LRRC4C: variants seen among roughly 807,000 people sequenced by gnomAD.
LRRC4C encodes the protein leucine-rich repeat-containing protein 4C.
In LRRC4C, 5 loss-of-function variants were observed where a neutral mutation model predicts 33.6. The ratio of observed to expected loss-of-function variants is 0.15; its 90% confidence interval spans 0.08 to 0.31. LRRC4C has a LOEUF of 0.31. Among genes scored for constraint, LRRC4C ranks in the 10% least tolerant of loss-of-function variants. The pLI is 1.00. For synonymous variants in LRRC4C, 329 were observed against 302.0 expected, an observed-to-expected ratio of 1.09 and a Z score of -0.93; for missense variants, 560 against 796.7, an observed-to-expected ratio of 0.70 and a Z score of 3.58.
chr11:40,794,928 T>C (rs1012935408), intron 2 of LRRC4C, among the ~76,000 whole-genome samples: 1 of 152,218 alleles, frequency 6.6e-6, no homozygotes, highest in Non-Finnish European at 1.5e-5. Flanking sequence ...TGAGTGCTTC[T>C]AATTAATTTT....
chr11:40,857,396 T>C (rs997625608), intron 2 of LRRC4C, among the ~76,000 whole-genome samples: 1 of 152,094 alleles, frequency 6.6e-6, no homozygotes, highest in African/African-American at 2.4e-5. Flanking sequence ...CCCCTCCCTG[T>C]ATCCATGTGT....
chr11:41,377,046 C>T (rs925519078), intron 1 of LRRC4C, among the ~76,000 whole-genome samples: 1 of 152,130 alleles, frequency 6.6e-6, no homozygotes, highest in Admixed American at 6.6e-5. Flanking sequence ...TTTTTGGAGC[C>T]ATATGTCCAA....
chr11:41,409,877 AG>A (rs1452571894), intron 1 of LRRC4C, among the ~76,000 whole-genome samples: 1 of 152,212 alleles, frequency 6.6e-6, no homozygotes, highest in Non-Finnish European at 1.5e-5. Context: ...TGCCACACCA[AG>A]TCATATGGCT....
In LRRC4C at chr11:40,675,181, C is replaced by T. The variant is rs542430771; in HGVS notation, c.-406-26903G>A. Among the ~76,000 whole-genome samples, 5 of 152,036 alleles carry T rather than the reference C, an allele frequency of 3.3e-5. No homozygotes were observed. In the South Asian group the frequency reaches 1.0e-3, roughly 32 times the overall value. ...GGACCCATTTAGACTTAGGAATTTACCAGGAGTTGTAGCATGTTCTAGGTG... is the reference window on the plus strand; with the variant it reads ...GGACCCATTTAGACTTAGGAATTTATCAGGAGTTGTAGCATGTTCTAGGTG... On this transcript the variant is annotated intron_variant, in intron 2 of 6. Coordinates refer to ENST00000528697, the MANE Select transcript of LRRC4C (RefSeq NM_001258419.2).
intron 2 of LRRC4C, among the ~76,000 whole-genome samples, chr11:40,823,173 T>C (rs1409911955): frequency 1.3e-5 from 2 of 151,788 alleles, no homozygotes; most frequent in African/African-American, 2.4e-5. Flanking sequence ...TATGTAAAAA[T>C]TAAAATGACA....
rs1554934483 is a variant in LRRC4C, at chr11:41,448,122, G to GGTTTTTTTTTTTTTTT, written c.-496+11308_-496+11309insAAAAAAAAAAAAAAAC. Among the ~76,000 whole-genome samples the GGTTTTTTTTTTTTTTT allele has an allele frequency of 9.2e-4, 43 of 46,900 alleles. 2 individuals carry two copies. The highest frequency in any genetic ancestry group is 1.4e-3 in the Non-Finnish European group (33 of 22,912). 30.8% of individuals were successfully genotyped at this position (46,900 alleles called of 152,430 possible). A position where few individuals can be genotyped will look rare whatever the true frequency, so the allele number is the denominator to read the frequency against. On this transcript the variant is annotated intron_variant, in intron 1 of 6. Coordinates refer to ENST00000528697, the MANE Select transcript of LRRC4C (RefSeq NM_001258419.2). ...ACAAACGAGGCTGCTGCACACGTCTGTTTTTTTTTTTTTTTTTTTTGGAGC... is the reference window on the plus strand; with the variant it reads ...ACAAACGAGGCTGCTGCACACGTCTGGTTTTTTTTTTTTTTTTTTTTTTTTTTTTTTTTTTTGGAGC...
intron 2 of LRRC4C, among the ~76,000 whole-genome samples, chr11:40,704,466 AT>A (rs1327053416): frequency 2.0e-5 from 3 of 152,132 alleles, no homozygotes; most frequent in African/African-American, 7.2e-5. Context: ...TCACATCAAA[AT>A]GGTCTCCCTG....
Position 40,116,097 on chromosome 11 carries a change from T to C in LRRC4C, c.196A>G (p.Asn66Asp). 1.9e-6 allele frequency: 3 copies of C among 1,613,954 alleles called. No homozygotes were observed. Among genetic ancestry groups the C allele is most frequent in the Non-Finnish European group, 2.5e-6 (3 of 1,179,982 alleles). ...ATGCCATCCGGAACCTCACGCAGGT[T>C]TTTCCGAACACAAATCACCTTGCTG... ...QFSKVICVRK[N>D]LREVPDGIST... The change falls in exon 7 of 7, where the codon AAC (asparagine) becomes GAC (aspartate). Residue 66 changes from asparagine to aspartate, a missense_variant. Asn to Asp is a conservative substitution (Grantham distance 23). This residue lies in a region of LRRC4C where 455 missense variants were observed against 643.8 expected (regional missense o/e 0.71). Transcript: ENST00000528697.
At chr11:40,325,098 A>G (rs1280037580) in intron 3 of LRRC4C, among the ~76,000 whole-genome samples, 2 of 152,186 alleles carry the variant, frequency 1.3e-5, no homozygotes, top group Admixed American at 1.3e-4. Context: ...CAATGGAACG[A>G]CTAGTTGAAA....
At chr11:40,928,843 T>C (rs1368307075) in intron 2 of LRRC4C, among the ~76,000 whole-genome samples, 1 of 152,200 alleles carries the variant, frequency 6.6e-6, no homozygotes, top group Non-Finnish European at 1.5e-5. Flanking sequence ...GCTAGGCTTA[T>C]ACCATTTTTT....
At chr11:41,052,331 A>C (rs1590364435) in intron 1 of LRRC4C, among the ~76,000 whole-genome samples, 2 of 152,162 alleles carry the variant, frequency 1.3e-5, no homozygotes, top group East Asian at 3.9e-4. Context: ...TTCAAGTCTA[A>C]AGAAAAAAAT....
rs186633793 is a variant in LRRC4C, at chr11:41,161,419, A to G, written c.-495-227696T>C. ...ATTCATCTTTACACATATGCTATGTAATATTCTCTTAAGTGCATACTATTA... is the reference window on the plus strand; with the variant it reads ...ATTCATCTTTACACATATGCTATGTGATATTCTCTTAAGTGCATACTATTA... On this transcript the variant is annotated intron_variant, in intron 1 of 6. Coordinates refer to ENST00000528697, the MANE Select transcript of LRRC4C (RefSeq NM_001258419.2). 2.5e-3 allele frequency among the ~76,000 whole-genome samples: 378 copies of G among 152,320 alleles called. 2 individuals carry two copies. The highest frequency in any genetic ancestry group is 8.6e-3 in the African/African-American group (359 of 41,574).
At chr11:40,458,916 C>A (rs1008664710) in intron 3 of LRRC4C, among the ~76,000 whole-genome samples, 22 of 151,830 alleles carry the variant, frequency 1.4e-4, no homozygotes, top group Admixed American at 1.3e-4. Context: ...TATAGTTAAT[C>A]AGTTAAGTTC....
At chr11:40,506,324 T>C (rs1427415731) in intron 3 of LRRC4C, among the ~76,000 whole-genome samples, 1 of 152,168 alleles carries the variant, frequency 6.6e-6, no homozygotes, top group African/African-American at 2.4e-5. Flanking sequence ...TAGCAGACCA[T>C]ATGCAGCTGT....
intron 4 of LRRC4C, among the ~76,000 whole-genome samples, chr11:40,242,057 C>T (rs1332522291): frequency 1.3e-5 from 2 of 152,176 alleles, no homozygotes; most frequent in African/African-American, 2.4e-5. Flanking sequence ...GCATTTCCTC[C>T]TGGAAGGCTC....
At chr11:41,390,109 G>A (rs1953531038) in intron 1 of LRRC4C, among the ~76,000 whole-genome samples, 1 of 151,874 alleles carries the variant, frequency 6.6e-6, no homozygotes, top group Non-Finnish European at 1.5e-5. Context: ...ATAAAACATT[G>A]TTGAAGTTAA....
At chr11:41,093,228 G>A (rs1185804231) in intron 1 of LRRC4C, among the ~76,000 whole-genome samples, 1 of 152,164 alleles carries the variant, frequency 6.6e-6, no homozygotes, top group Non-Finnish European at 1.5e-5. Flanking sequence ...ATGATAAAGA[G>A]ATGTATGCAA....
intron 1 of LRRC4C, among the ~76,000 whole-genome samples, chr11:41,241,197 T>C (rs1948235860): frequency 6.6e-6 from 1 of 152,180 alleles, no homozygotes; most frequent in South Asian, 2.1e-4. Context: ...GAAAGCGTTA[T>C]TCAAATGCTT....
intron 1 of LRRC4C, among the ~76,000 whole-genome samples, chr11:41,353,845 C>T (rs890427440): frequency 1.1e-4 from 17 of 151,920 alleles, no homozygotes; most frequent in Admixed American, 3.9e-4. Context: ...AACAAAACAA[C>T]GCAACAATCT....
Sources: gnomAD v4.1 joint callset for allele counts (sites outside exome capture counted in the v4.1 genomes callset) on GRCh38, gnomAD v4.1.1 for gene constraint, gnomAD v4.1.1 regional missense constraint, MANE v1.5 for transcripts, NCBI Gene and HGNC (gene_info 2026-07-23, HGNC 2026-07-21) for gene names.